Variants in PPARGC1B observed in about 807,000 individuals in gnomAD.
The protein encoded by PPARGC1B is peroxisome proliferator-activated receptor gamma coactivator 1-beta.
Under a neutral mutation model 101.6 loss-of-function variants are expected in PPARGC1B, and 34 were observed. That is an observed-to-expected ratio of 0.33 (90% confidence interval 0.25 to 0.45). The LOEUF (loss-of-function observed/expected upper bound fraction) is 0.45, where lower values mean the gene tolerates loss of function less well. PPARGC1B is among the 20% of genes least tolerant of loss of function. PPARGC1B has a pLI of 1.00. For missense variants in PPARGC1B, 1,234 were observed against 1,317.6 expected (o/e 0.94, Z 0.98); for synonymous variants, 548 against 539.3 (o/e 1.02, Z -0.22).
At chr5:149,757,628 A>G (rs778919786) in intron 1 of PPARGC1B, among the ~76,000 whole-genome samples, 4 of 152,348 alleles carry the variant, frequency 2.6e-5, no homozygotes, top group Middle Eastern at 3.4e-3. Flanking sequence ...TGCAGCCACC[A>G]TCGACACAAA....
At chr5:149,842,143 C>T in intron 9 of PPARGC1B, 113 bp from the exon 10 acceptor site, 2 of 1,347,724 alleles carry the variant, frequency 1.5e-6, no homozygotes, top group South Asian at 1.4e-5. Flanking sequence ...CGGTATTGCT[C>T]ACTCAGCCAG....
At chr5:149,845,192 C>G (rs1759504013) in intron 10 of PPARGC1B, among the ~76,000 whole-genome samples, 1 of 152,118 alleles carries the variant, frequency 6.6e-6, no homozygotes, top group African/African-American at 2.4e-5. Context: ...CCATGAAGGG[C>G]AAGATGCGTG....
downstream of PPARGC1B, among the ~76,000 whole-genome samples, chr5:149,855,854 C>T (rs982781336): frequency 6.6e-6 from 1 of 152,164 alleles, no homozygotes; most frequent in African/African-American, 2.4e-5. Flanking sequence ...CGGTGGCTCG[C>T]ATCTGTAATC....
chr5:149,765,047 A>T (rs1231073654), intron 1 of PPARGC1B, among the ~76,000 whole-genome samples: 1 of 144,598 alleles, frequency 6.9e-6, no homozygotes, highest in African/African-American at 2.5e-5. Context: ...AGAGGGTAGT[A>T]CCCAAACACA....
intron 1 of PPARGC1B, among the ~76,000 whole-genome samples, chr5:149,771,108 G>A (rs13174179): frequency 0.36 from 54,862 of 152,004 alleles, 10,124 homozygotes; most frequent in South Asian, 0.52. Flanking sequence ...AGCAGGGTGA[G>A]CGTACAAATG....
intron 1 of PPARGC1B, among the ~76,000 whole-genome samples, chr5:149,799,386 C>T (rs957000928): frequency 6.6e-6 from 1 of 152,148 alleles, no homozygotes; most frequent in Non-Finnish European, 1.5e-5. Flanking sequence ...TTTAGAGTTT[C>T]CAGCTTCTTT....
chr5:149,736,909 G>C (rs1017537897), intron 1 of PPARGC1B, among the ~76,000 whole-genome samples: 1 of 151,788 alleles, frequency 6.6e-6, no homozygotes, highest in Admixed American at 6.6e-5. Context: ...TGTTATAATT[G>C]ATGAACCTAC....
At chr5:149,783,511 G>A (rs925406947) in intron 1 of PPARGC1B, among the ~76,000 whole-genome samples, 12 of 152,128 alleles carry the variant, frequency 7.9e-5, no homozygotes, top group Admixed American at 1.3e-4. Context: ...AGTCCACACC[G>A]TCCAGTCAGA....
At chr5:149,817,483 A>G (rs1443907665) in intron 1 of PPARGC1B, 1 of 339,060 alleles carries the variant, frequency 2.9e-6, no homozygotes, top group Non-Finnish European at 5.8e-6. Flanking sequence ...TCCTGTCTCT[A>G]AACACAAAGA....
At chr5:149,822,042 C>T (rs548648726) in intron 2 of PPARGC1B, among the ~76,000 whole-genome samples, 1 of 152,316 alleles carries the variant, frequency 6.6e-6, no homozygotes, top group East Asian at 1.9e-4. Context: ...GAGGAATTAC[C>T]AGAACCAAAC....
chr5:149,762,504 G>C (rs9285640), intron 1 of PPARGC1B, among the ~76,000 whole-genome samples: 1 of 152,040 alleles, frequency 6.6e-6, no homozygotes, highest in Non-Finnish European at 1.5e-5. Flanking sequence ...TGCTGATTCC[G>C]GCAGCCTGAC....
chr5:149,823,802 T>G (rs1397806320), intron 2 of PPARGC1B, among the ~76,000 whole-genome samples: 1 of 152,144 alleles, frequency 6.6e-6, no homozygotes, highest in African/African-American at 2.4e-5. Flanking sequence ...AGGAGAAGAC[T>G]TTTGGTTTTA....
chr5:149,773,776 G>C (rs953265243), intron 1 of PPARGC1B, among the ~76,000 whole-genome samples: 3 of 152,164 alleles, frequency 2.0e-5, no homozygotes, highest in African/African-American at 4.8e-5. Context: ...TTGGAGGCGT[G>C]GGGGAGGCTC....
chr5:149,792,269 G>A (rs955711758), intron 1 of PPARGC1B, among the ~76,000 whole-genome samples: 3 of 152,244 alleles, frequency 2.0e-5, no homozygotes, highest in Non-Finnish European at 4.4e-5. Context: ...GGCTCCTCCA[G>A]TGTCCCAGGG....
chr5:149,799,665 T>C (rs1352540168), intron 1 of PPARGC1B, among the ~76,000 whole-genome samples: 2 of 150,936 alleles, frequency 1.3e-5, no homozygotes, highest in Non-Finnish European at 2.9e-5. Flanking sequence ...ATGAATGGGC[T>C]TTTTTGTTTG....
chr5:149,772,025 A>G, intron 1 of PPARGC1B: 1 of 1,486,732 alleles, frequency 6.7e-7, no homozygotes, highest in Non-Finnish European at 9.0e-7. Context: ...AGAGAAGTGA[A>G]GGTTTCCAAC....
intron 1 of PPARGC1B, among the ~76,000 whole-genome samples, chr5:149,744,716 C>T (rs2113098343): frequency 6.6e-6 from 1 of 152,298 alleles, no homozygotes; most frequent in East Asian, 1.9e-4. Context: ...ATAAAGCTTT[C>T]TTTGAAAGTT....
intron 1 of PPARGC1B, among the ~76,000 whole-genome samples, chr5:149,758,350 C>A (rs1180146190): frequency 2.6e-5 from 4 of 152,262 alleles, no homozygotes; most frequent in African/African-American, 9.6e-5. Flanking sequence ...CAAATGCTTA[C>A]TGAGTCATCA....
intron 1 of PPARGC1B, among the ~76,000 whole-genome samples, chr5:149,759,264 A>G (rs1156504979): frequency 6.6e-6 from 1 of 152,168 alleles, no homozygotes; most frequent in Admixed American, 6.5e-5. Flanking sequence ...TCATGGATGT[A>G]GCTTGAGATT....
Sources: gnomAD v4.1 joint callset for allele counts (sites outside exome capture counted in the v4.1 genomes callset) on GRCh38, gnomAD v4.1.1 for gene constraint, MANE v1.5 for transcripts, NCBI Gene and HGNC (gene_info 2026-07-23, HGNC 2026-07-21) for gene names.